Variants in PCDHGB7 observed in about 807,000 individuals in gnomAD.
PCDHGB7 encodes protocadherin gamma-B7.
PCDHGB7 carries 37 observed loss-of-function variants against 61.4 expected under a neutral mutation model. That is an observed-to-expected ratio of 0.60 (90% CI 0.46 to 0.79). The LOEUF is 0.79. Ranked by LOEUF, PCDHGB7 falls within the 30% of genes least tolerant of loss-of-function variation. The probability of loss-of-function intolerance (pLI) is 0.00; values close to 1 mark genes in which losing one functional copy is unlikely to be tolerated. For synonymous variants in PCDHGB7, 464 were observed against 503.5 expected (o/e 0.92, Z 1.05); for missense variants, 1,166 against 1,202.5 (o/e 0.97, Z 0.45).
rs377248872 is a variant in PCDHGB7 at position 141,489,231 on chromosome 5, C to T, written c.2416-5576C>T. 2 of 1,528,166 alleles carry T rather than the reference C, an allele frequency of 1.3e-6. No homozygotes were observed. The highest frequency in any genetic ancestry group is 1.4e-5 in the African/African-American group (1 of 72,140). The allele number at this position is 1,528,166 out of a possible 1,614,324, so 94.7% of individuals were successfully genotyped here. A position where few individuals can be genotyped will look rare whatever the true frequency, so the allele number is the denominator to read the frequency against. On this transcript the variant is annotated intron_variant, in intron 1 of 3. Transcript: ENST00000398594. This position sits in a 1 kb window ranked among gnomAD's most constrained non-coding sequence, Gnocchi z 4.5. ...CACAGACTTACTCTCCACAAAGGGA[C>T]TTCTGGGTCATGGGGCCCAAGACAC...
intron 2 of PCDHGB7, among the ~76,000 whole-genome samples, chr5:141,499,214 C>T (rs1228581603): frequency 6.6e-6 from 1 of 152,074 alleles, no homozygotes; most frequent in Non-Finnish European, 1.5e-5. Flanking sequence ...TAACCCAGGC[C>T]CTGCCCTGCA....
At chr5:141,499,244 CAA>C (rs1191956146) in intron 2 of PCDHGB7, among the ~76,000 whole-genome samples, 1 of 152,090 alleles carries the variant, frequency 6.6e-6, no homozygotes, top group Non-Finnish European at 1.5e-5. Flanking sequence ...AGCCTCTGCA[CAA>C]AGAGTCTCCA....
chr5:141,477,379 A>C lies in PCDHGB7; in HGVS notation c.2416-17428A>C, dbSNP rs1293075706. The stretch of plus-strand genomic sequence containing the variant: ...CAGACCTGGATCGGGAGACTGTGCC[A>C]GAATACAACCTCAGCATCACCGCCC... On this transcript the variant is annotated intron_variant, in intron 1 of 3. Transcript: ENST00000398594. This position sits in a 1 kb window ranked among gnomAD's most constrained non-coding sequence, Gnocchi z 4.9. 2 of 1,614,184 alleles carry C rather than the reference A, an allele frequency of 1.2e-6. No homozygotes were observed. Among genetic ancestry groups the C allele is most frequent in the Non-Finnish European group, 1.7e-6 (2 of 1,180,034 alleles).
chr5:141,485,229 T>G lies in PCDHGB7; in HGVS notation c.2416-9578T>G, dbSNP rs2099609870. ...ATCTGGCGGTGGGCTACCCTTTTGT[T>G]CCTCTTTTACCACCTGGGTTACGTT... is the stretch of plus-strand genomic sequence containing the variant. On this transcript the variant is annotated intron_variant, in intron 1 of 3. Coordinates refer to ENST00000398594, the MANE Select transcript of PCDHGB7 (RefSeq NM_018927.4). The surrounding 1 kb of genome is among the most constrained non-coding windows in gnomAD (Gnocchi z 5.7). 6.2e-7 allele frequency: 1 copy of G among 1,614,042 alleles called. No individual in the cohort carries two copies. The highest frequency in any genetic ancestry group is 8.5e-7 in the Non-Finnish European group (1 of 1,180,030).
chr5:141,423,887 T>C, intron 1 of PCDHGB7: 2 of 1,282,240 alleles, frequency 1.6e-6, no homozygotes, highest in Non-Finnish European at 2.0e-6. Context: ...CTTGGCATAT[T>C]TTCTTTTGAT....
intron 1 of PCDHGB7, chr5:141,421,232 C>G (rs748347420): frequency 1.3e-6 from 2 of 1,590,370 alleles, no homozygotes; most frequent in Non-Finnish European, 1.7e-6. Context: ...CCTGCCATGG[C>G]GAATCGGCTA....
chr5:141,467,295 C>T (rs2099141170), intron 1 of PCDHGB7, among the ~76,000 whole-genome samples: 1 of 152,114 alleles, frequency 6.6e-6, no homozygotes, highest in South Asian at 2.1e-4. Flanking sequence ...TCAAGTGATC[C>T]ACTCACCTCG....
At chr5:141,423,783 A>G in intron 1 of PCDHGB7, 1 of 1,264,712 alleles carries the variant, frequency 7.9e-7, no homozygotes, top group South Asian at 1.9e-5. Context: ...TATTTAGTTC[A>G]TATATATTTA....
At chr5:141,461,430 A>G (rs1239117668) in intron 1 of PCDHGB7, among the ~76,000 whole-genome samples, 2 of 151,992 alleles carry the variant, frequency 1.3e-5, no homozygotes, top group African/African-American at 4.8e-5. Context: ...GGCCATTTGT[A>G]TACCTTCTTT....
chr5:141,494,446 G>C (rs1046119515), intron 1 of PCDHGB7, among the ~76,000 whole-genome samples: 2 of 152,172 alleles, frequency 1.3e-5, no homozygotes, highest in African/African-American at 4.8e-5. Context: ...TGCCACTTTA[G>C]GGGGCTTTGT....
chr5:141,436,040 C>A (rs989038133), intron 1 of PCDHGB7, among the ~76,000 whole-genome samples: 2 of 152,060 alleles, frequency 1.3e-5, no homozygotes, highest in African/African-American at 4.8e-5. Context: ...TTTGTATTTA[C>A]ATTAGTTTTC....
chr5:141,450,278 G>C (rs977381598), intron 1 of PCDHGB7, among the ~76,000 whole-genome samples: 1 of 152,026 alleles, frequency 6.6e-6, no homozygotes, highest in African/African-American at 2.4e-5. Flanking sequence ...TCAGCTAAGT[G>C]CTGGGATTAC....
In PCDHGB7 at chr5:141,431,150, C is replaced by A. The variant is rs1007532359; in HGVS notation, c.2415+10876C>A. On this transcript the variant is annotated intron_variant, in intron 1 of 3. Transcript: ENST00000398594. The surrounding 1 kb of genome is among the most constrained non-coding windows in gnomAD (Gnocchi z 4.8). ...AGTAAGGGACATTAACGACAATGCGCCTTACTTTCGTGAAAGTGAATTAGA... is the reference window on the plus strand; with the variant it reads ...AGTAAGGGACATTAACGACAATGCGACTTACTTTCGTGAAAGTGAATTAGA... The A allele has an allele frequency of 1.2e-6, 2 of 1,614,226 alleles. No individual in the cohort carries two copies. The highest frequency in any genetic ancestry group is 1.7e-6 in the Non-Finnish European group (2 of 1,180,030).
Position 141,476,977 on chromosome 5 carries a change from C to A in PCDHGB7, c.2416-17830C>A, listed in dbSNP as rs141692339. On this transcript the variant is annotated intron_variant, in intron 1 of 3. Coordinates refer to ENST00000398594, the MANE Select transcript of PCDHGB7 (RefSeq NM_018927.4). The surrounding 1 kb of genome is among the most constrained non-coding windows in gnomAD (Gnocchi z 7.6). The stretch of plus-strand genomic sequence containing the variant: ...TTATTTACTCCTTCGGCAGCCACAA[C>A]CGCGCCGGCGTGCGGCAACTATTCG... 6.2e-7 allele frequency: 1 copy of A among 1,614,232 alleles called. No individual in the cohort carries two copies. The highest frequency in any genetic ancestry group is 8.5e-7 in the Non-Finnish European group (1 of 1,180,040).
In PCDHGB7 at chr5:141,418,894, A is replaced by G. The variant is rs200182481; in HGVS notation, c.1035A>G (p.Pro345=). The part of the protein sequence containing the change: ...VEVVDENDNS[P]EIIITSLSDQ... ...TTGTAGACGAAAACGACAACAGCCCAGAAATAATCATCACGTCACTCTCTG... is the reference window on the plus strand; with the variant it reads ...TTGTAGACGAAAACGACAACAGCCCGGAAATAATCATCACGTCACTCTCTG... The change falls in exon 1 of 4, where the codon CCA becomes CCG. Residue 345 remains proline, a synonymous_variant. Transcript: ENST00000398594. 1.2e-6 allele frequency: 2 copies of G among 1,614,004 alleles called. No individual in the cohort carries two copies. Among genetic ancestry groups the G allele is most frequent in the East Asian group, 4.5e-5 (2 of 44,884 alleles).
At chr5:141,466,864 C>G (rs925681539) in intron 1 of PCDHGB7, among the ~76,000 whole-genome samples, 24 of 151,910 alleles carry the variant, frequency 1.6e-4, no homozygotes, top group African/African-American at 5.3e-4. Flanking sequence ...TTTTGAAATC[C>G]ACACATTTTT....
At chr5:141,435,271 T>C (rs1242477213) in intron 1 of PCDHGB7, among the ~76,000 whole-genome samples, 1 of 152,216 alleles carries the variant, frequency 6.6e-6, no homozygotes, top group African/African-American at 2.4e-5. Context: ...CCATTTATAC[T>C]TTCTCAGTAT....
chr5:141,490,321 G>C lies in PCDHGB7; in HGVS notation c.2416-4486G>C. On this transcript the variant is annotated intron_variant, in intron 1 of 3. Coordinates refer to ENST00000398594, the MANE Select transcript of PCDHGB7 (RefSeq NM_018927.4). The surrounding 1 kb of genome is among the most constrained non-coding windows in gnomAD (Gnocchi z 5.4). ...GGCCTCTTTGGCCAACCCTGTCCTA[G>C]AGAGCACACCAGTGGGCACAGTAGT... 1.2e-6 allele frequency: 2 copies of C among 1,614,220 alleles called. No homozygotes were observed. The highest frequency in any genetic ancestry group is 1.7e-6 in the Non-Finnish European group (2 of 1,180,044).
intron 3 of PCDHGB7, 89 bp from the exon 4 acceptor site, chr5:141,510,858 T>G: frequency 6.2e-7 from 1 of 1,606,182 alleles, no homozygotes; most frequent in Non-Finnish European, 8.5e-7. Context: ...GGGTGCTGTA[T>G]AGGCATTCAT....
Sources: gnomAD v4.1 joint callset for allele counts (sites outside exome capture counted in the v4.1 genomes callset) on GRCh38, gnomAD v4.1.1 for gene constraint, Gnocchi (gnomAD v3.1) non-coding constraint, MANE v1.5 for transcripts, NCBI Gene and HGNC (gene_info 2026-07-23, HGNC 2026-07-21) for gene names.